MCM9: variants seen among roughly 807,000 people sequenced by gnomAD.
MCM9 encodes minichromosome maintenance 9 homologous recombination repair factor, also known as DNA helicase MCM9.
MCM9 carries 55 observed loss-of-function variants against 72.8 expected under a neutral mutation model. The ratio of observed to expected loss-of-function variants is 0.76; its 90% CI spans 0.61 to 0.95. The LOEUF is 0.95. Ranked by LOEUF, MCM9 falls within the 40% of genes least tolerant of loss-of-function variation. MCM9 has a pLI of 0.00. For synonymous variants in MCM9, 480 were observed against 503.4 expected (o/e 0.95, Z 0.62); for missense variants, 1,279 against 1,377.0 (o/e 0.93, Z 1.13).
At chr6:118,817,375 G>C (rs1297351013) in intron 13 of MCM9, among the ~76,000 whole-genome samples, 1 of 151,802 alleles carries the variant, frequency 6.6e-6, no homozygotes, top group South Asian at 2.1e-4. Flanking sequence ...ACTTATGAGT[G>C]AGAACATGTG....
At chr6:118,911,876 C>A in intron 7 of MCM9, 107 bp from the exon 8 acceptor site, 3 of 779,264 alleles carry the variant, frequency 3.8e-6, no homozygotes, top group South Asian at 2.0e-5. Flanking sequence ...TACATAGGGT[C>A]GTTTGAGAAA....
intron 2 of MCM9, among the ~76,000 whole-genome samples, 197 bp from the exon 3 acceptor site, chr6:118,931,935 C>G (rs2114465164): frequency 6.6e-6 from 1 of 152,238 alleles, no homozygotes; most frequent in Non-Finnish European, 1.5e-5. Context: ...TGAGTGAAGT[C>G]AAATGTAAGT....
intron 12 of MCM9, 113 bp downstream of exon 12, chr6:118,826,668 TA>T: frequency 1.4e-6 from 1 of 735,964 alleles, no homozygotes; most frequent in Non-Finnish European, 2.2e-6. Context: ...CAGGAATTAC[TA>T]AGTCTAGAAT....
At position 118,826,869 on chromosome 6, in the gene MCM9, G is replaced by A; in HGVS notation, c.1733-5C>T. On this transcript the variant is annotated splice_polypyrimidine_tract_variant and splice_region_variant and intron_variant, in intron 11 of 13. Coordinates refer to ENST00000619706, the MANE Select transcript of MCM9 (RefSeq NM_017696.3). ...GAAACATCAGGCGAGCATGAGCTAA[G>A]AAAACAAAACACATTTGTTTTTTAG... The A allele has an allele frequency of 6.5e-7, 1 of 1,548,098 alleles. No individual in the cohort carries two copies. The highest frequency in any genetic ancestry group is 8.7e-7 in the Non-Finnish European group (1 of 1,146,100).
chr6:118,905,530 G>T, intron 8 of MCM9: 1 of 678,386 alleles, frequency 1.5e-6, no homozygotes, highest in Non-Finnish European at 2.4e-6. Flanking sequence ...TTCCCAGTAT[G>T]ATTTCCAAGT....
intron 8 of MCM9, among the ~76,000 whole-genome samples, chr6:118,875,027 C>T (rs768373252): frequency 2.6e-5 from 4 of 152,166 alleles, no homozygotes; most frequent in Middle Eastern, 3.2e-3. Context: ...ACAGGAGAAT[C>T]GCTTGAACCC....
intron 8 of MCM9, among the ~76,000 whole-genome samples, chr6:118,886,622 T>C (rs1376920901): frequency 1.3e-5 from 2 of 151,926 alleles, no homozygotes; most frequent in African/African-American, 4.8e-5. Context: ...ATAAAATATG[T>C]AGGAATAAAT....
At chr6:118,920,080 C>T (rs946208600) in intron 5 of MCM9, 1 of 152,162 alleles carries the variant, frequency 6.6e-6, no homozygotes, top group African/African-American at 2.4e-5. Context: ...AGAAAGAATT[C>T]AGTTTAGATG....
chr6:118,893,963 C>G, intron 8 of MCM9: 1 of 969,012 alleles, frequency 1.0e-6, no homozygotes, highest in Middle Eastern at 5.3e-4. Flanking sequence ...CACGCCCCCT[C>G]CGCCCCTCTC....
intron 8 of MCM9, among the ~76,000 whole-genome samples, chr6:118,860,062 T>C (rs1776805282): frequency 6.6e-6 from 1 of 152,226 alleles, no homozygotes; most frequent in African/African-American, 2.4e-5. Flanking sequence ...TTGTTCCTAG[T>C]ACATCATGTC....
intron 8 of MCM9, 112 bp downstream of exon 8, chr6:118,911,538 C>T (rs952968103): frequency 5.7e-6 from 8 of 1,405,916 alleles, no homozygotes; most frequent in Middle Eastern, 4.0e-4. Flanking sequence ...TTAGTGGTAA[C>T]TCAAAAATTA....
intron 8 of MCM9, among the ~76,000 whole-genome samples, chr6:118,885,998 T>C (rs1022830673): frequency 3.3e-5 from 5 of 151,982 alleles, no homozygotes; most frequent in Non-Finnish European, 7.4e-5. Context: ...AATGCAAGGT[T>C]CATTTAACAC....
chr6:118,854,441 CT>C (rs201128902), intron 9 of MCM9, among the ~76,000 whole-genome samples: 11,623 of 152,276 alleles, frequency 0.076, 688 homozygotes, highest in East Asian at 0.19. Flanking sequence ...CAACCTCCTC[CT>C]CCCAGGTTCA....
At chr6:118,843,664 A>ACACGTG (rs1411910671) in intron 9 of MCM9, among the ~76,000 whole-genome samples, 2,959 of 64,380 alleles carry the variant, frequency 0.046, 134 homozygotes, top group African/African-American at 0.09. Context: ...ATGTGTATAT[A>ACACGTG]TATATGTATG....
At chr6:118,849,735 A>G (rs1422358741) in intron 9 of MCM9, among the ~76,000 whole-genome samples, 1 of 151,906 alleles carries the variant, frequency 6.6e-6, no homozygotes, top group Non-Finnish European at 1.5e-5. Flanking sequence ...ACACGATGAT[A>G]ATAAGAATAC....
At chr6:118,933,720 GA>G (rs1187794597) in intron 1 of MCM9, among the ~76,000 whole-genome samples, 1 of 152,106 alleles carries the variant, frequency 6.6e-6, no homozygotes, top group African/African-American at 2.4e-5. Flanking sequence ...CTTTCTCTGA[GA>G]ACCTACTATT....
chr6:118,928,994 C>A (rs573771535), intron 3 of MCM9, among the ~76,000 whole-genome samples: 1 of 150,936 alleles, frequency 6.6e-6, no homozygotes, highest in African/African-American at 2.4e-5. Context: ...CCAAGGTGGG[C>A]AGATCACCTG....
intron 9 of MCM9, among the ~76,000 whole-genome samples, chr6:118,843,658 G>A (rs796545064): frequency 0.017 from 361 of 21,406 alleles, 3 homozygotes; most frequent in African/African-American, 0.055. Context: ...ATATATATGT[G>A]TATATATATA....
intron 9 of MCM9, among the ~76,000 whole-genome samples, chr6:118,839,849 G>A (rs1775229688): frequency 6.6e-6 from 1 of 152,316 alleles, no homozygotes; most frequent in South Asian, 2.1e-4. Flanking sequence ...CCTGTATGAG[G>A]TGTCTGTCGA....
Sources: allele counts gnomAD v4.1 joint callset (sites outside exome capture counted in the v4.1 genomes callset), GRCh38; gene constraint gnomAD v4.1.1; transcripts MANE v1.5; gene names NCBI Gene and HGNC (gene_info 2026-07-23, HGNC 2026-07-21).